Variants in DNM3 observed in about 807,000 individuals in gnomAD.
DNM3 encodes dynamin 3.
DNM3 carries 47 observed loss-of-function variants against 101.6 expected under a neutral mutation model. The observed-to-expected ratio is 0.46, with a 90% confidence interval of 0.37 to 0.59. The LOEUF (loss-of-function observed/expected upper bound fraction) is 0.59. Among genes scored for constraint, DNM3 ranks in the 20% least tolerant of loss-of-function variants. The pLI is 0.00. For missense variants in DNM3, 849 were observed against 1,085.7 expected, an observed-to-expected ratio of 0.78 and a Z score of 3.06; for synonymous variants, 385 against 387.9, an observed-to-expected ratio of 0.99 and a Z score of 0.09.
chr1:171,890,921 G>T (rs1249632704), intron 1 of DNM3, among the ~76,000 whole-genome samples: 2 of 152,092 alleles, frequency 1.3e-5, no homozygotes, highest in East Asian at 3.8e-4. Flanking sequence ...TCCCACCTTG[G>T]CCTCCCAAAG....
At chr1:172,018,135 T>C (rs1358837207) in intron 4 of DNM3, among the ~76,000 whole-genome samples, 3 of 152,150 alleles carry the variant, frequency 2.0e-5, no homozygotes, top group African/African-American at 4.8e-5. Context: ...TTGTATCTTG[T>C]TGTTTGATCC....
At chr1:172,083,227 G>C (rs1005768281) in intron 12 of DNM3, among the ~76,000 whole-genome samples, 1 of 152,118 alleles carries the variant, frequency 6.6e-6, no homozygotes, top group African/African-American at 2.4e-5. Flanking sequence ...TCCACAGTCA[G>C]TGAACTCTAG....
chr1:172,095,493 A>G (rs999345226), intron 13 of DNM3, among the ~76,000 whole-genome samples: 2 of 152,182 alleles, frequency 1.3e-5, no homozygotes, highest in Non-Finnish European at 2.9e-5. Flanking sequence ...GCAGAAATAA[A>G]CCATAATGAC....
chr1:172,240,321 TC>T (rs1346376502), intron 14 of DNM3, among the ~76,000 whole-genome samples: 1 of 152,174 alleles, frequency 6.6e-6, no homozygotes, highest in African/African-American at 2.4e-5. Context: ...TTTGAGTGTT[TC>T]TTTGCCTCTT....
intron 14 of DNM3, among the ~76,000 whole-genome samples, chr1:172,145,871 G>C (rs963867117): frequency 1.3e-5 from 2 of 152,132 alleles, no homozygotes; most frequent in Admixed American, 1.3e-4. Flanking sequence ...AGTACCGCTT[G>C]ACCAAAGGTT....
intron 15 of DNM3, among the ~76,000 whole-genome samples, chr1:172,303,656 G>T (rs1485986870): frequency 6.6e-6 from 1 of 152,238 alleles, no homozygotes; most frequent in African/African-American, 2.4e-5. Flanking sequence ...ACAAAGGGAA[G>T]CACATCAGAC....
chr1:171,868,175 G>A lies in DNM3; in HGVS notation c.161+26358G>A, dbSNP rs2034943331. 2.0e-5 allele frequency among the ~76,000 whole-genome samples: 3 copies of A among 152,084 alleles called. No individual in the cohort carries two copies. In the South Asian group the frequency reaches 6.2e-4, roughly 31 times the overall value. On this transcript the variant is annotated intron_variant, in intron 1 of 20. Transcript: ENST00000627582. ...CATCCCCCATGCTACTAAGAGTATT[G>A]GTGGTGAAGCATTTCTTAAAAGGCT... is the stretch of plus-strand genomic sequence containing the variant.
At chr1:171,945,637 AAG>A (rs1363295551) in intron 2 of DNM3, among the ~76,000 whole-genome samples, 1 of 152,200 alleles carries the variant, frequency 6.6e-6, no homozygotes, top group Non-Finnish European at 1.5e-5. Context: ...TTGGTAGTCT[AAG>A]AGGTTTTTTC....
At chr1:172,142,438 C>A (rs1470235814) in intron 14 of DNM3, among the ~76,000 whole-genome samples, 1 of 151,978 alleles carries the variant, frequency 6.6e-6, no homozygotes, top group Non-Finnish European at 1.5e-5. Flanking sequence ...TATTCGTTTT[C>A]ATTTGTTAAA....
At chr1:172,169,729 AG>A (rs2058880085) in intron 14 of DNM3, among the ~76,000 whole-genome samples, 1 of 151,994 alleles carries the variant, frequency 6.6e-6, no homozygotes, top group Non-Finnish European at 1.5e-5. Context: ...GCATGTTTGT[AG>A]GCATGAACAT....
rs60339425 is a variant in DNM3, at chr1:172,127,385, C to CTTATTATTATTA, written c.1546-3760_1546-3749dup. 1.6e-3 allele frequency among the ~76,000 whole-genome samples: 217 copies of CTTATTATTATTA among 137,670 alleles called. 1 individual carries two copies. Among genetic ancestry groups the CTTATTATTATTA allele is most frequent in the Non-Finnish European group, 2.1e-3 (135 of 64,420 alleles). The allele number at this position is 137,670 out of a possible 152,430, so 90.3% of individuals were successfully genotyped here. On this transcript the variant is annotated intron_variant, in intron 13 of 20. Coordinates refer to ENST00000627582, the MANE Select transcript of DNM3 (RefSeq NM_015569.5). ...TGTATCGCCAATCTCTTACTCTCTA[C>CTTATTATTATTA]TTATTATTATTATTATTATTATTAT... is the stretch of plus-strand genomic sequence containing the variant.
intron 14 of DNM3, among the ~76,000 whole-genome samples, chr1:172,174,484 C>G (rs2059082215): frequency 6.6e-6 from 1 of 151,658 alleles, no homozygotes; most frequent in Non-Finnish European, 1.5e-5. Context: ...TGGATACCCA[C>G]TCTTGATTTT....
chr1:171,957,241 AG>A (rs1216311727), intron 2 of DNM3, among the ~76,000 whole-genome samples: 1 of 138,918 alleles, frequency 7.2e-6, no homozygotes, highest in Non-Finnish European at 1.5e-5. Flanking sequence ...ACTGTCACCC[AG>A]GCTGGAGTGC....
intron 2 of DNM3, among the ~76,000 whole-genome samples, chr1:171,941,480 G>T (rs1398260525): frequency 6.6e-6 from 1 of 152,200 alleles, no homozygotes; most frequent in Non-Finnish European, 1.5e-5. Flanking sequence ...AGGAAGAATA[G>T]TGGAGGTGAA....
rs190393685 is a variant in DNM3 at position 171,927,791 on chromosome 1, A to G, written c.235+5970A>G. 4.9e-3 allele frequency among the ~76,000 whole-genome samples: 745 copies of G among 152,234 alleles called. 10 individuals carry two copies. Among genetic ancestry groups the G allele is most frequent in the African/African-American group, 0.017 (697 of 41,556 alleles). ...TGGATTGGGTTTTGCCATCCTCCTG[A>G]ATCTCAATGATCTTTGTTTGTGTCC... On this transcript the variant is annotated intron_variant, in intron 2 of 20. Transcript: ENST00000627582.
intron 12 of DNM3, among the ~76,000 whole-genome samples, chr1:172,086,236 A>G (rs1188098068): frequency 6.6e-6 from 1 of 152,146 alleles, no homozygotes; most frequent in East Asian, 1.9e-4. Context: ...TTCTTGCATA[A>G]TAGCCTGAGC....
Position 172,098,785 on chromosome 1 carries a change from C to T in DNM3, c.1545+5910C>T, listed in dbSNP as rs146614855. Among the ~76,000 whole-genome samples, 1,344 of 152,272 alleles carry T rather than the reference C, an allele frequency of 8.8e-3. 18 individuals are homozygous for T. Among genetic ancestry groups the T allele is most frequent in the East Asian group, 0.035 (180 of 5,182 alleles). ...CATGGCTTCAGCTGGTCCCTCCGTT[C>T]GGGGTCCCTGACTTTCCGCAACAAG... On this transcript the variant is annotated intron_variant, in intron 13 of 20. Transcript: ENST00000627582.
At chr1:172,154,650 A>G (rs1342243566) in intron 14 of DNM3, among the ~76,000 whole-genome samples, 1 of 152,086 alleles carries the variant, frequency 6.6e-6, no homozygotes, top group Non-Finnish European at 1.5e-5. Context: ...TGTATTTTGG[A>G]ATTTGCAAAA....
chr1:172,187,505 T>C (rs1200155597), intron 14 of DNM3, among the ~76,000 whole-genome samples: 2 of 152,074 alleles, frequency 1.3e-5, no homozygotes, highest in African/African-American at 4.8e-5. Flanking sequence ...CCAAACGTGG[T>C]TCATCCTTTA....
Sources: allele counts gnomAD v4.1 joint callset (sites outside exome capture counted in the v4.1 genomes callset), GRCh38; gene constraint gnomAD v4.1.1; transcripts MANE v1.5; gene names NCBI Gene and HGNC (gene_info 2026-07-23, HGNC 2026-07-21).